CCNY: variants seen among roughly 807,000 people sequenced by gnomAD.
The protein encoded by CCNY is cyclin Y.
A neutral mutation model predicts 42.8 loss-of-function variants in CCNY; 19 were observed. The ratio of observed to expected loss-of-function variants is 0.44; its 90% CI spans 0.31 to 0.65. CCNY has a LOEUF of 0.65. CCNY is among the 30% of genes least tolerant of loss of function. CCNY has a pLI of 0.07. For synonymous variants in CCNY, 165 were observed against 162.7 expected (o/e 1.01, Z -0.11); for missense variants, 370 against 437.3 (o/e 0.85, Z 1.37).
At chr10:35,256,663 G>A (rs4102765) in intron 3 of CCNY, among the ~76,000 whole-genome samples, 20,591 of 151,414 alleles carry the variant, frequency 0.14, 1,677 homozygotes, top group Non-Finnish European at 0.17. Flanking sequence ...CCCAGGAGGC[G>A]GAGGTTGCAG....
chr10:35,302,001 T>C (rs1243174254), intron 3 of CCNY, among the ~76,000 whole-genome samples: 3 of 151,936 alleles, frequency 2.0e-5, no homozygotes, highest in Admixed American at 6.6e-5. Context: ...TTTGCTCTTA[T>C]CGTCCAGGCT....
chr10:35,405,917 A>C (rs1837749527), intron 1 of CCNY, among the ~76,000 whole-genome samples: 1 of 152,324 alleles, frequency 6.6e-6, no homozygotes, highest in African/African-American at 2.4e-5. Context: ...TCCTTGGCCC[A>C]GTGGCCAGAT....
At chr10:35,401,660 G>C (rs1263235828) in intron 1 of CCNY, among the ~76,000 whole-genome samples, 1 of 152,040 alleles carries the variant, frequency 6.6e-6, no homozygotes, top group Non-Finnish European at 1.5e-5. Context: ...GAGCAACAAG[G>C]CTGTTTGTTT....
chr10:35,406,201 T>TTTTATTTTATTTA (rs1554785131), intron 1 of CCNY, among the ~76,000 whole-genome samples: 5 of 124,370 alleles, frequency 4.0e-5, no homozygotes, highest in African/African-American at 1.6e-4. Flanking sequence ...TTCTTTTTTA[T>TTTTATTTTATTTA]TTTATTTATT....
At chr10:35,343,954 A>T (rs1836243888) in intron 1 of CCNY, among the ~76,000 whole-genome samples, 1 of 152,320 alleles carries the variant, frequency 6.6e-6, no homozygotes, top group African/African-American at 2.4e-5. Flanking sequence ...TCCTTTCATG[A>T]TTCAACATTG....
chr10:35,248,541 G>T (rs972288750), intron 2 of CCNY, among the ~76,000 whole-genome samples: 3 of 152,114 alleles, frequency 2.0e-5, no homozygotes, highest in Non-Finnish European at 4.4e-5. Flanking sequence ...ACCTACTTGG[G>T]ACGCTGAGGC....
intron 3 of CCNY, among the ~76,000 whole-genome samples, chr10:35,309,316 C>T (rs986192613): frequency 7.2e-5 from 11 of 152,196 alleles, no homozygotes; most frequent in Admixed American, 2.0e-4. Flanking sequence ...GAAGCACACT[C>T]GGACTCAGTG....
chr10:35,259,927 C>G (rs3853671), intron 3 of CCNY, among the ~76,000 whole-genome samples: 6 of 151,334 alleles, frequency 4.0e-5, no homozygotes, highest in Admixed American at 4.0e-4. Context: ...TGGGGCATCC[C>G]ATTGGCTCAG....
intron 3 of CCNY, among the ~76,000 whole-genome samples, chr10:35,299,610 C>A (rs1835509785): frequency 6.6e-6 from 1 of 152,002 alleles, no homozygotes; most frequent in Non-Finnish European, 1.5e-5. Context: ...TCATGTTTAC[C>A]TTTTTTCATC....
rs761185126 is a variant in CCNY at position 35,530,165 on chromosome 10, G to A, written c.501G>A (p.Glu167=). The A allele has an allele frequency of 1.2e-6, 2 of 1,614,218 alleles. No homozygotes were observed. Among genetic ancestry groups the A allele is most frequent in the Admixed American group, 3.3e-5 (2 of 60,028 alleles). ...VPPDYDKHNP[E]QKQIYRFVRT... ...CAGATTATGACAAACACAACCCAGA[G>A]CAGAAGCAGATTTACCGGTTCGTTC... The change falls in exon 7 of 10, where the codon GAG becomes GAA. Residue 167 remains glutamate, a synonymous_variant. Transcript: ENST00000374704. The surrounding 1 kb of genome is among the most constrained non-coding windows in gnomAD (Gnocchi z 4.3).
rs1364053827 is a variant in CCNY, at chr10:35,570,916, C to T, written c.*1746C>T. The stretch of plus-strand genomic sequence containing the variant: ...CCTTTCTGACCCAAACTTTCAAAAG[C>T]AAATAAACAGCATATAAAACGTTAA... On this transcript the variant is annotated 3_prime_UTR_variant, in exon 10 of 10. Transcript: ENST00000374704. 1.3e-5 allele frequency: 2 copies of T among 152,284 alleles called. No individual in the cohort carries two copies. Among genetic ancestry groups the T allele is most frequent in the African/African-American group, 4.8e-5 (2 of 41,444 alleles). The allele number at this position is 152,284 out of a possible 1,614,324, so 9.4% of individuals were successfully genotyped here. A position where few individuals can be genotyped will look rare whatever the true frequency, so the allele number is the denominator to read the frequency against.
At chr10:35,399,229 C>G (rs1306045046) in intron 1 of CCNY, among the ~76,000 whole-genome samples, 2 of 152,054 alleles carry the variant, frequency 1.3e-5, no homozygotes, top group African/African-American at 4.8e-5. Flanking sequence ...TTGGATGTTC[C>G]TGTTGAGCAT....
At chr10:35,447,268 CTCCA>C (rs1838813629) in intron 1 of CCNY, among the ~76,000 whole-genome samples, 1 of 152,224 alleles carries the variant, frequency 6.6e-6, no homozygotes, top group Non-Finnish European at 1.5e-5. Flanking sequence ...CAGAGCGAGA[CTCCA>C]TCTAAGAAAG....
intron 3 of CCNY, among the ~76,000 whole-genome samples, chr10:35,257,068 C>A (rs548451534): frequency 6.6e-6 from 1 of 151,994 alleles, no homozygotes; most frequent in Non-Finnish European, 1.5e-5. Context: ...CATGTATTTA[C>A]CTTTATTGAA....
intron 3 of CCNY, among the ~76,000 whole-genome samples, chr10:35,308,893 G>A (rs1835648015): frequency 6.6e-6 from 1 of 152,154 alleles, no homozygotes; most frequent in African/African-American, 2.4e-5. Context: ...GATGACGATG[G>A]TCAATTAGAG....
chr10:35,423,425 A>C (rs1469666564), intron 1 of CCNY, among the ~76,000 whole-genome samples: 2 of 151,302 alleles, frequency 1.3e-5, no homozygotes, highest in African/African-American at 4.9e-5. Context: ...ACAGTGAATC[A>C]TGATTATACC....
At chr10:35,331,830 C>T (rs574593054), upstream of CCNY, among the ~76,000 whole-genome samples, 12 of 152,114 alleles carry the variant, frequency 7.9e-5, no homozygotes, top group South Asian at 2.1e-4. Flanking sequence ...TATTTATAGG[C>T]GGCAGGCTTT....
At chr10:35,475,773 A>C (rs1437800139) in intron 1 of CCNY, among the ~76,000 whole-genome samples, 2 of 151,440 alleles carry the variant, frequency 1.3e-5, no homozygotes, top group South Asian at 2.1e-4. Context: ...GACAGGATCA[A>C]ATTCACACAT....
intron 1 of CCNY, among the ~76,000 whole-genome samples, chr10:35,427,311 A>G (rs1035534871): frequency 6.6e-6 from 1 of 152,216 alleles, no homozygotes; most frequent in Non-Finnish European, 1.5e-5. Context: ...CATAGCGCCC[A>G]TGGAATCCAT....
Sources: allele counts gnomAD v4.1 joint callset (sites outside exome capture counted in the v4.1 genomes callset), GRCh38; gene constraint gnomAD v4.1.1; non-coding constraint Gnocchi (gnomAD v3.1); transcripts MANE v1.5; gene names NCBI Gene and HGNC (gene_info 2026-07-23, HGNC 2026-07-21).